USP24: variants seen among roughly 807,000 people sequenced by gnomAD.
USP24 encodes the protein ubiquitin carboxyl-terminal hydrolase 24.
In USP24, 97 loss-of-function variants were observed where a neutral mutation model predicts 361.6. The ratio of observed to expected loss-of-function variants is 0.27; its 90% CI spans 0.23 to 0.32. The LOEUF is 0.32. Ranked by LOEUF, USP24 falls within the 10% of genes least tolerant of loss-of-function variation. The pLI is 1.00. For synonymous variants in USP24, 1,098 were observed against 1,124.6 expected (o/e 0.98, Z 0.47); for missense variants, 2,353 against 3,165.6 (o/e 0.74, Z 6.16).
At chr1:55,160,065 T>G (rs1648112171) in intron 8 of USP24, among the ~76,000 whole-genome samples, 1 of 152,218 alleles carries the variant, frequency 6.6e-6, no homozygotes, top group South Asian at 2.1e-4. Context: ...TGCTGTCATA[T>G]GAACGATTTT....
chr1:55,160,149 A>C (rs1345898202), intron 8 of USP24, among the ~76,000 whole-genome samples: 2 of 152,262 alleles, frequency 1.3e-5, no homozygotes, highest in African/African-American at 2.4e-5. Context: ...ACACAACCAG[A>C]AAACTAACTC....
chr1:55,201,634 CAATTT>C (rs1369149740), intron 1 of USP24, among the ~76,000 whole-genome samples: 52 of 121,532 alleles, frequency 4.3e-4, no homozygotes, highest in Admixed American at 2.9e-3. Flanking sequence ...AAAAAAGACT[CAATTT>C]AATATGGTGA....
Position 55,211,056 on chromosome 1 carries a change from T to C in USP24, c.324+3734A>G, listed in dbSNP as rs1407292216. 2.0e-5 allele frequency among the ~76,000 whole-genome samples: 3 copies of C among 152,236 alleles called. 1 individual carries two copies. Among genetic ancestry groups the C allele is most frequent in the South Asian group, 4.1e-4 (2 of 4,832 alleles). ...GTTAAGTTCTGTGAGATGCACAGGATACCTGGTTCAGATTTCTACTGATCC... is the reference window on the plus strand; with the variant it reads ...GTTAAGTTCTGTGAGATGCACAGGACACCTGGTTCAGATTTCTACTGATCC... On this transcript the variant is annotated intron_variant, in intron 1 of 67. Transcript: ENST00000294383.
chr1:55,181,172 T>C (rs913508741), intron 1 of USP24, among the ~76,000 whole-genome samples: 14 of 152,062 alleles, frequency 9.2e-5, no homozygotes, highest in African/African-American at 3.4e-4. Context: ...ATCATAAATA[T>C]AAAGCAGAAA....
chr1:55,072,944 T>A (rs1210208835), intron 64 of USP24, 83 bp from the exon 65 acceptor site: 3 of 1,309,274 alleles, frequency 2.3e-6, no homozygotes, highest in Non-Finnish European at 2.1e-6. Flanking sequence ...AATGCTAGTT[T>A]CATTAAAATT....
chr1:55,207,828 A>T (rs1340075112), intron 1 of USP24, among the ~76,000 whole-genome samples: 1 of 152,246 alleles, frequency 6.6e-6, no homozygotes, highest in Admixed American at 6.5e-5. Context: ...AATAATGTCA[A>T]ATGAATTTTG....
chr1:55,213,332 A>C (rs548061365), intron 1 of USP24, among the ~76,000 whole-genome samples: 1 of 152,340 alleles, frequency 6.6e-6, no homozygotes, highest in African/African-American at 2.4e-5. Context: ...GATACAGCTA[A>C]GTTAGTGGGT....
intron 28 of USP24, among the ~76,000 whole-genome samples, chr1:55,134,914 A>G (rs1557613901): frequency 6.6e-6 from 1 of 152,198 alleles, no homozygotes; most frequent in Non-Finnish European, 1.5e-5. Context: ...TTATAACTGC[A>G]TAAAAGAGAT....
chr1:55,175,558 C>T (rs1225123019), intron 3 of USP24, among the ~76,000 whole-genome samples: 1 of 152,082 alleles, frequency 6.6e-6, no homozygotes, highest in East Asian at 1.9e-4. Flanking sequence ...GCAAACATTA[C>T]CCATCTGTAG....
chr1:55,208,896 A>G (rs1644779167), intron 1 of USP24, among the ~76,000 whole-genome samples: 1 of 152,112 alleles, frequency 6.6e-6, no homozygotes, highest in South Asian at 2.1e-4. Flanking sequence ...AGATCACACC[A>G]CTGCACTCCA....
At chr1:55,093,790 G>A (rs1284655316) in intron 52 of USP24, 147 bp downstream of exon 52, 32 of 1,115,374 alleles carry the variant, frequency 2.9e-5, no homozygotes, top group East Asian at 1.6e-4. Flanking sequence ...CCTCTGTGTC[G>A]TGGCATAAAA....
chr1:55,194,586 A>AG (rs763779366), intron 1 of USP24, among the ~76,000 whole-genome samples: 43 of 152,038 alleles, frequency 2.8e-4, no homozygotes, highest in Non-Finnish European at 5.3e-4. Flanking sequence ...TGGGCGACAG[A>AG]GGGAGACCCT....
chr1:55,144,918 G>A (rs1239233467), intron 20 of USP24, among the ~76,000 whole-genome samples: 1 of 152,096 alleles, frequency 6.6e-6, no homozygotes, highest in Non-Finnish European at 1.5e-5. Flanking sequence ...TGGGCGACAA[G>A]AGTAAGACTC....
intron 1 of USP24, among the ~76,000 whole-genome samples, chr1:55,211,475 T>C (rs1644845269): frequency 6.6e-6 from 1 of 152,238 alleles, no homozygotes; most frequent in Non-Finnish European, 1.5e-5. Flanking sequence ...TGCAGTTGTG[T>C]GTTTTGCTAG....
rs542081557 is a variant in USP24 at position 55,208,195 on chromosome 1, G to C, written c.324+6595C>G. Among the ~76,000 whole-genome samples the C allele has an allele frequency of 4.6e-5, 7 of 152,192 alleles. No homozygotes were observed. The East Asian group carries it at 1.2e-3, about 25-fold the overall frequency. On this transcript the variant is annotated intron_variant, in intron 1 of 67. Coordinates refer to ENST00000294383, the MANE Select transcript of USP24 (RefSeq NM_015306.3). ...ACTTCTCACACATAACACACACAGAGAAATAAAAAATGGAAGCTACCAATG... is the reference window on the plus strand; with the variant it reads ...ACTTCTCACACATAACACACACAGACAAATAAAAAATGGAAGCTACCAATG...
Position 55,162,245 on chromosome 1 carries a change from T to C in USP24, c.947A>G (p.Gln316Arg). The change falls in exon 8 of 68, where the codon CAG becomes CGG. Residue 316 changes from glutamine to arginine, a missense_variant. Around this residue, in one of 8 missense-constraint regions of USP24, gnomAD observed 386 missense variants for 560.5 expected, o/e 0.69. Coordinates refer to ENST00000294383, the MANE Select transcript of USP24 (RefSeq NM_015306.3). ...GTACTCTGCACACACTCCTAAGGGC[T>C]GAATCAGTGCTGAGACAGCCTGGAA... ...IELGAVSALIQPLGVCAEYLN... is the reference protein window; with the variant it reads ...IELGAVSALIRPLGVCAEYLN... The C allele has an allele frequency of 6.3e-7, 1 of 1,591,024 alleles. No homozygotes were observed. Among genetic ancestry groups the C allele is most frequent in the South Asian group, 1.2e-5 (1 of 86,028 alleles).
intron 38 of USP24, among the ~76,000 whole-genome samples, chr1:55,118,496 A>G (rs553708543): frequency 6.6e-6 from 1 of 152,348 alleles, no homozygotes; most frequent in East Asian, 1.9e-4. Context: ...CTAAAACTAT[A>G]AAACCTTTAG....
intron 43 of USP24, among the ~76,000 whole-genome samples, chr1:55,101,228 G>A (rs1645626163): frequency 6.6e-6 from 1 of 152,170 alleles, no homozygotes; most frequent in Non-Finnish European, 1.5e-5. Context: ...AGTACACATG[G>A]AATACTCTCA....
At chr1:55,109,596 A>G (rs988799651) in intron 39 of USP24, among the ~76,000 whole-genome samples, 2 of 151,690 alleles carry the variant, frequency 1.3e-5, no homozygotes, top group Non-Finnish European at 2.9e-5. Context: ...ATTTTTGTGG[A>G]TCCTGATTTT....
Sources: allele counts gnomAD v4.1 joint callset (sites outside exome capture counted in the v4.1 genomes callset), GRCh38; gene constraint gnomAD v4.1.1; regional missense constraint gnomAD v4.1.1; transcripts MANE v1.5; gene names NCBI Gene and HGNC (gene_info 2026-07-23, HGNC 2026-07-21).